ABL2: variants seen among roughly 807,000 people sequenced by gnomAD.
The protein encoded by ABL2 is ABL proto-oncogene 2, non-receptor tyrosine kinase, also known as tyrosine-protein kinase ABL2.
A neutral mutation model predicts 107.7 loss-of-function variants in ABL2; 49 were observed. That is an observed-to-expected ratio of 0.45 (90% CI 0.36 to 0.58). The LOEUF (loss-of-function observed/expected upper bound fraction) is 0.58. Among genes scored for constraint, ABL2 ranks in the 20% least tolerant of loss-of-function variants. ABL2 has a pLI of 0.00. For missense variants in ABL2, 1,245 were observed against 1,457.0 expected (o/e 0.85, Z 2.37); for synonymous variants, 549 against 548.6 (o/e 1.00, Z -0.01).
chr1:179,224,537 G>C (rs1240582357), intron 1 of ABL2, among the ~76,000 whole-genome samples: 1 of 151,976 alleles, frequency 6.6e-6, no homozygotes, highest in Non-Finnish European at 1.5e-5. Flanking sequence ...CCAAAGTGCT[G>C]GGATTATAGG....
At chr1:179,156,121 C>CA (rs1328040055) in intron 1 of ABL2, among the ~76,000 whole-genome samples, 2 of 152,042 alleles carry the variant, frequency 1.3e-5, no homozygotes, top group Non-Finnish European at 2.9e-5. Flanking sequence ...AACAAAACAA[C>CA]AAAAAAACAG....
intron 1 of ABL2, among the ~76,000 whole-genome samples, chr1:179,216,909 C>G (rs1159055590): frequency 6.6e-6 from 1 of 150,484 alleles, no homozygotes; most frequent in Non-Finnish European, 1.5e-5. Context: ...GTCTTGAAGT[C>G]CTGACCTCAT....
At position 179,109,273 on chromosome 1, in the gene ABL2, G is replaced by C. The variant is rs764333016; in HGVS notation, c.1994C>G (p.Pro665Arg). Residue 665 changes from proline to arginine, a missense_variant, in exon 12 of 12, where the codon CCC becomes CGC. Around this residue, in one of 3 missense-constraint regions of ABL2, gnomAD observed 761 missense variants for 766.4 expected, o/e 0.99. Coordinates refer to ENST00000502732, the MANE Select transcript of ABL2 (RefSeq NM_007314.4). ...TCGGAAGGAGCTGCTGCGTTTGGGG[G>C]GTGTAGGAGCATTTCTCTTCTTCAT... ...SFMKKRNAPT[P>R]PKRSSSFREM... 1.9e-6 allele frequency: 3 copies of C among 1,614,118 alleles called. No individual in the cohort carries two copies. Among genetic ancestry groups the C allele is most frequent in the Non-Finnish European group, 2.5e-6 (3 of 1,180,000 alleles).
At chr1:179,187,349 A>G (rs1660731868) in intron 1 of ABL2, among the ~76,000 whole-genome samples, 1 of 152,226 alleles carries the variant, frequency 6.6e-6, no homozygotes. Context: ...CTTAAAGTCT[A>G]AGGATTTTGC....
intron 1 of ABL2, among the ~76,000 whole-genome samples, chr1:179,226,858 CA>C (rs977820266): frequency 2.6e-5 from 4 of 152,134 alleles, no homozygotes; most frequent in Admixed American, 2.0e-4. Flanking sequence ...ACAAATACTC[CA>C]AAGTGATCTC....
chr1:179,175,882 G>A (rs1443456865), intron 1 of ABL2, among the ~76,000 whole-genome samples: 1 of 147,482 alleles, frequency 6.8e-6, no homozygotes, highest in African/African-American at 2.5e-5. Context: ...GGTGTACGAG[G>A]GCTCCTTCTG....
chr1:179,101,371 G>C lies in ABL2; in HGVS notation c.*6347C>G, dbSNP rs377077096. On this transcript the variant is annotated 3_prime_UTR_variant, in exon 12 of 12. Coordinates refer to ENST00000502732, the MANE Select transcript of ABL2 (RefSeq NM_007314.4). ...TCTAGGATATTGAGTCAGAAATGAA[G>C]GTATCCTTTTTTTTTTTTTTCTTCT... 1 of 159,184 alleles carries C rather than the reference G, an allele frequency of 6.3e-6. No homozygotes were observed. Among genetic ancestry groups the C allele is most frequent in the African/African-American group, 3.6e-5 (1 of 28,128 alleles). 9.9% of individuals were successfully genotyped at this position (159,184 alleles called of 1,614,324 possible). A position where few individuals can be genotyped will look rare whatever the true frequency, so the allele number is the denominator to read the frequency against.
At chr1:179,189,398 T>G (rs1255076264) in intron 1 of ABL2, among the ~76,000 whole-genome samples, 1 of 152,140 alleles carries the variant, frequency 6.6e-6, no homozygotes, top group East Asian at 1.9e-4. Context: ...CTTCCCAAAG[T>G]GCTGGGATTA....
At chr1:179,229,177 A>ACCCC in intron 1 of ABL2, 64 bp downstream of exon 1, 2 of 198,890 alleles carry the variant, frequency 1.0e-5, no homozygotes. Flanking sequence ...TCCGCCACCC[A>ACCCC]CCCCGCCCCG....
intron 3 of ABL2, among the ~76,000 whole-genome samples, chr1:179,130,787 C>CA (rs957225085): frequency 2.0e-5 from 3 of 146,926 alleles, no homozygotes; most frequent in Admixed American, 6.7e-5. Context: ...CATGCAAAGG[C>CA]AAAAAAAAGT....
chr1:179,154,756 T>A (rs934135191), intron 1 of ABL2, among the ~76,000 whole-genome samples: 2 of 152,222 alleles, frequency 1.3e-5, no homozygotes, highest in Non-Finnish European at 2.9e-5. Context: ...CCTAATAGCA[T>A]CCCTTCTCAT....
chr1:179,151,999 C>G (rs1029419817), intron 1 of ABL2, among the ~76,000 whole-genome samples: 1 of 152,026 alleles, frequency 6.6e-6, no homozygotes, highest in Non-Finnish European at 1.5e-5. Context: ...TCAAAGTCTT[C>G]TATTACAGAT....
chr1:179,142,510 T>G (rs546709391), intron 1 of ABL2, among the ~76,000 whole-genome samples: 2 of 152,230 alleles, frequency 1.3e-5, no homozygotes, highest in Non-Finnish European at 2.9e-5. Flanking sequence ...CAGGTAGTAA[T>G]AGGAGAAATT....
chr1:179,191,510 T>A (rs1158870376), intron 1 of ABL2, among the ~76,000 whole-genome samples: 1 of 145,452 alleles, frequency 6.9e-6, no homozygotes, highest in Non-Finnish European at 1.5e-5. Flanking sequence ...AACCTCTGTC[T>A]CCTGGGTTCA....
Position 179,143,994 on chromosome 1 carries a change from C to T in ABL2, c.158-10620G>A, listed in dbSNP as rs1313747242. On this transcript the variant is annotated intron_variant, in intron 1 of 11. Coordinates refer to ENST00000502732, the MANE Select transcript of ABL2 (RefSeq NM_007314.4). Reference sequence around the variant, plus strand: ...TACAGGCATGAGCCACCATGCCCAGCCTGAGTGTTAAAAGTTTTTAAAGCA... The same window carrying T: ...TACAGGCATGAGCCACCATGCCCAGTCTGAGTGTTAAAAGTTTTTAAAGCA... Among the ~76,000 whole-genome samples the T allele has an allele frequency of 5.9e-5, 9 of 151,988 alleles. 1 individual carries two copies. The highest frequency in any genetic ancestry group is 2.2e-4 in the African/African-American group (9 of 41,392).
Position 179,126,749 on chromosome 1 carries a change from T to A in ABL2, c.392-77A>T. 39 of 1,295,232 alleles carry A rather than the reference T, an allele frequency of 3.0e-5. No individual in the cohort carries two copies. The highest frequency in any genetic ancestry group is 3.7e-5 in the Non-Finnish European group (36 of 961,774). 80.2% of individuals were successfully genotyped at this position (1,295,232 alleles called of 1,614,324 possible). ...CAACTGAAGCAGTGTACTGTCAAAC[T>A]TTAAACTCATTAAAAAAAAAAAAGA... On this transcript the variant is annotated intron_variant, in intron 3 of 11. Transcript: ENST00000502732. This position sits in a 1 kb window ranked among gnomAD's most constrained non-coding sequence, Gnocchi z 4.4.
intron 4 of ABL2, among the ~76,000 whole-genome samples, chr1:179,125,128 C>A (rs534536987): frequency 5.9e-5 from 9 of 152,252 alleles, no homozygotes; most frequent in Non-Finnish European, 1.3e-4. Flanking sequence ...TAGGCTGTGG[C>A]CATAGTGTGT....
Position 179,108,585 on chromosome 1 carries a change from A to G in ABL2, c.2682T>C (p.Asn894=). ...CAGCCATCCCAAGTCGTGCCCCACC[A>G]TTCTTCTCTTTACCCTTGGGGGCAG... ...VAAAPKGKEK[N]GGARLGMAGV... The change falls in exon 12 of 12, where the codon AAT becomes AAC. Residue 894 remains asparagine, a synonymous_variant. Coordinates refer to ENST00000502732, the MANE Select transcript of ABL2 (RefSeq NM_007314.4). 6.2e-7 allele frequency: 1 copy of G among 1,613,900 alleles called. No homozygotes were observed. The highest frequency in any genetic ancestry group is 8.5e-7 in the Non-Finnish European group (1 of 1,179,970).
At chr1:179,174,149 G>A (rs943332843) in intron 1 of ABL2, among the ~76,000 whole-genome samples, 17 of 152,120 alleles carry the variant, frequency 1.1e-4, no homozygotes, top group Non-Finnish European at 2.1e-4. Flanking sequence ...GTAGCTGGGC[G>A]TGGTGGTGTG....
Sources: allele counts gnomAD v4.1 joint callset (sites outside exome capture counted in the v4.1 genomes callset), GRCh38; gene constraint gnomAD v4.1.1; regional missense constraint gnomAD v4.1.1; non-coding constraint Gnocchi (gnomAD v3.1); transcripts MANE v1.5; gene names NCBI Gene and HGNC (gene_info 2026-07-23, HGNC 2026-07-21).